Variants in RIMS2 observed in about 807,000 individuals in gnomAD.
The protein encoded by RIMS2 is regulating synaptic membrane exocytosis 2.
In RIMS2, 59 loss-of-function variants were observed where a neutral mutation model predicts 174.4. The observed-to-expected ratio is 0.34, with a 90% CI of 0.27 to 0.42. The LOEUF is 0.42. Ranked by LOEUF, RIMS2 falls within the 10% of genes least tolerant of loss-of-function variation. The probability of loss-of-function intolerance (pLI) is 1.00; values close to 1 mark genes in which losing one functional copy is unlikely to be tolerated. For synonymous variants in RIMS2, 606 were observed against 572.5 expected (o/e 1.06, Z -0.84); for missense variants, 1,620 against 1,666.3 (o/e 0.97, Z 0.48).
intron 1 of RIMS2, among the ~76,000 whole-genome samples, chr8:103,571,139 A>T (rs2092775869): frequency 6.6e-6 from 1 of 152,220 alleles, no homozygotes; most frequent in Admixed American, 6.5e-5. Context: ...AAATTTGACA[A>T]CAGCAGCTGT....
At chr8:103,796,406 A>T (rs572721161) in intron 3 of RIMS2, among the ~76,000 whole-genome samples, 1 of 152,294 alleles carries the variant, frequency 6.6e-6, no homozygotes, top group South Asian at 2.1e-4. Context: ...TTTTATACAA[A>T]AATAATTTTA....
intron 4 of RIMS2, chr8:103,909,990 CTA>C (rs112720274): frequency 0.068 from 24,935 of 366,136 alleles, no homozygotes; most frequent in East Asian, 0.1. Context: ...ATAGCACTCA[CTA>C]TATATATATA....
chr8:103,763,141 T>C (rs777932449), intron 2 of RIMS2, among the ~76,000 whole-genome samples: 31 of 151,880 alleles, frequency 2.0e-4, no homozygotes, highest in Non-Finnish European at 4.1e-4. Context: ...TGTCAATATA[T>C]GAATAGGAAA....
intron 3 of RIMS2, among the ~76,000 whole-genome samples, chr8:103,786,001 G>A (rs1019720123): frequency 6.6e-6 from 1 of 152,154 alleles, no homozygotes; most frequent in African/African-American, 2.4e-5. Flanking sequence ...AGTCTTGGGA[G>A]AGTGTATGTG....
chr8:103,531,762 A>AC (rs1837280033), intron 1 of RIMS2, among the ~76,000 whole-genome samples: 2 of 152,244 alleles, frequency 1.3e-5, no homozygotes, highest in Non-Finnish European at 2.9e-5. Flanking sequence ...AAACTAGTAA[A>AC]TGTACCATGT....
In RIMS2 at chr8:104,119,096, C is replaced by T. The variant is rs558134987; in HGVS notation, c.3334+104481C>T. 2.0e-5 allele frequency among the ~76,000 whole-genome samples: 3 copies of T among 151,944 alleles called. No individual in the cohort carries two copies. In the East Asian group the frequency reaches 5.8e-4, roughly 29 times the overall value. ...GGCGTGGTGGCTCAGGCCTGTAATCCCAGCACTTTGAGAGGCCGAGGCGGG... is the reference window on the plus strand; with the variant it reads ...GGCGTGGTGGCTCAGGCCTGTAATCTCAGCACTTTGAGAGGCCGAGGCGGG... On this transcript the variant is annotated intron_variant, in intron 19 of 23. Transcript: ENST00000504942.
At position 104,049,371 on chromosome 8, in the gene RIMS2, G is replaced by T. The variant is rs1482306653; in HGVS notation, c.3334+34756G>T. 1.3e-5 allele frequency among the ~76,000 whole-genome samples: 2 copies of T among 152,252 alleles called. 1 individual carries two copies. The highest frequency in any genetic ancestry group is 4.1e-4 in the South Asian group (2 of 4,824). ...ACCCGGGAGGCGGAGCTTGCAGTGA[G>T]CCGAGATCGCGCCACTGCACTCCAG... On this transcript the variant is annotated intron_variant, in intron 19 of 23. Coordinates refer to ENST00000504942, the Ensembl canonical transcript of RIMS2.
At chr8:103,760,486 G>A (rs1362485678) in intron 2 of RIMS2, among the ~76,000 whole-genome samples, 2 of 152,208 alleles carry the variant, frequency 1.3e-5, no homozygotes, top group Non-Finnish European at 2.9e-5. Context: ...AATCCACCAT[G>A]GCAGTGCTGG....
chr8:103,592,495 T>C (rs1264973110), intron 1 of RIMS2, among the ~76,000 whole-genome samples: 1 of 151,376 alleles, frequency 6.6e-6, no homozygotes, highest in East Asian at 1.9e-4. Context: ...ATGTTTTCCC[T>C]TAATTTTCAA....
At chr8:104,109,565 T>C (rs2098140569) in intron 19 of RIMS2, among the ~76,000 whole-genome samples, 1 of 152,042 alleles carries the variant, frequency 6.6e-6, no homozygotes, top group Admixed American at 6.6e-5. Context: ...TTCTGGCACA[T>C]GACAAGCATT....
intron 1 of RIMS2, among the ~76,000 whole-genome samples, chr8:103,546,260 C>T (rs1845045582): frequency 6.6e-6 from 1 of 152,026 alleles, no homozygotes; most frequent in South Asian, 2.1e-4. Context: ...AGACTTTAAC[C>T]CAACAATGAT....
intron 1 of RIMS2, among the ~76,000 whole-genome samples, chr8:103,516,362 A>G (rs1828949142): frequency 6.6e-6 from 1 of 152,130 alleles, no homozygotes; most frequent in Non-Finnish European, 1.5e-5. Flanking sequence ...CAAAAATTTC[A>G]TACTTGTACT....
At chr8:103,576,566 A>T (rs1350664528) in intron 1 of RIMS2, among the ~76,000 whole-genome samples, 1 of 152,200 alleles carries the variant, frequency 6.6e-6, no homozygotes, top group Non-Finnish European at 1.5e-5. Flanking sequence ...AAGGAATCTA[A>T]ATGATCTCCA....
intron 3 of RIMS2, among the ~76,000 whole-genome samples, chr8:103,824,772 A>G (rs2098776783): frequency 6.6e-6 from 1 of 152,152 alleles, no homozygotes; most frequent in Non-Finnish European, 1.5e-5. Flanking sequence ...TCTTGAACAA[A>G]CTAACGTCCA....
chr8:104,199,220 C>A (rs913481116), intron 19 of RIMS2, among the ~76,000 whole-genome samples: 1 of 152,146 alleles, frequency 6.6e-6, no homozygotes, highest in African/African-American at 2.4e-5. Context: ...CGCCACCACG[C>A]CCGGCTAATT....
chr8:103,848,904 A>G (rs1348690408), intron 3 of RIMS2, among the ~76,000 whole-genome samples: 1 of 152,088 alleles, frequency 6.6e-6, no homozygotes, highest in Non-Finnish European at 1.5e-5. Context: ...GAGATGAAGA[A>G]GCCTTTAAAC....
At chr8:103,747,362 C>A (rs2097835018) in intron 2 of RIMS2, among the ~76,000 whole-genome samples, 2 of 149,024 alleles carry the variant, frequency 1.3e-5, no homozygotes, top group South Asian at 4.2e-4. Flanking sequence ...CTGTAAAGAA[C>A]TTTTTGGGTC....
chr8:103,886,211 G>A, exon 4 of RIMS2: 1 of 1,607,328 alleles, frequency 6.2e-7, no homozygotes, highest in Non-Finnish European at 8.5e-7. Context: ...AAGTGAGAGT[G>A]TAAGTGAAAA....
chr8:103,890,923 G>A (rs1401243302), intron 4 of RIMS2, among the ~76,000 whole-genome samples: 1 of 152,028 alleles, frequency 6.6e-6, no homozygotes, highest in African/African-American at 2.4e-5. Flanking sequence ...GATAATTGTT[G>A]TGTTGCACTA....
Sources: gnomAD v4.1 joint callset for allele counts (sites outside exome capture counted in the v4.1 genomes callset) on GRCh38, gnomAD v4.1.1 for gene constraint, MANE v1.5 for transcripts, NCBI Gene and HGNC (gene_info 2026-07-23, HGNC 2026-07-21) for gene names.